CHRM3: variants seen among roughly 807,000 people sequenced by gnomAD.
CHRM3 encodes the protein cholinergic receptor muscarinic 3.
In CHRM3, 11 loss-of-function variants were observed where a neutral mutation model predicts 41.8. The ratio of observed to expected loss-of-function variants is 0.26; its 90% CI spans 0.17 to 0.44. The LOEUF (loss-of-function observed/expected upper bound fraction) is 0.44. CHRM3 is among the 20% of genes least tolerant of loss of function. The pLI is 1.00. For synonymous variants in CHRM3, 297 were observed against 301.4 expected (o/e 0.99, Z 0.15); for missense variants, 571 against 745.4 (o/e 0.77, Z 2.72).
At chr1:239,410,778 T>C (rs936207144) in intron 1 of CHRM3, among the ~76,000 whole-genome samples, 1 of 152,210 alleles carries the variant, frequency 6.6e-6, no homozygotes, top group East Asian at 1.9e-4. Flanking sequence ...CTCTAAAGGA[T>C]TTCCATTAAG....
rs1313445410 is a variant in CHRM3, at chr1:239,759,187, TTTTTTTTTTAG to T, written c.-146-68064_-146-68054del. ...TTTTTTTGTTTTTTTTTTTTGTTTTTTTTTTTTTTAGAGAGAGGCTTATCCTGAATGTCTGC... is the reference window on the plus strand; with the variant it reads ...TTTTTTTGTTTTTTTTTTTTGTTTTTAGAGAGGCTTATCCTGAATGTCTGC... On this transcript the variant is annotated intron_variant, in intron 5 of 6. Transcript: ENST00000676153. Among the ~76,000 whole-genome samples the T allele has an allele frequency of 2.3e-3, 314 of 135,140 alleles. 2 individuals are homozygous for T. The highest frequency in any genetic ancestry group is 6.4e-3 in the African/African-American group (200 of 31,018). 88.7% of individuals were successfully genotyped at this position (135,140 alleles called of 152,430 possible). A position where few individuals can be genotyped will look rare whatever the true frequency, so the allele number is the denominator to read the frequency against.
intron 5 of CHRM3, among the ~76,000 whole-genome samples, chr1:239,808,490 C>G (rs1468370613): frequency 6.6e-6 from 1 of 152,134 alleles, no homozygotes; most frequent in Non-Finnish European, 1.5e-5. Context: ...ACTGTTTTCA[C>G]TCCTGTGCGA....
chr1:239,904,136 A>G (rs1485791202), intron 6 of CHRM3, among the ~76,000 whole-genome samples: 1 of 152,192 alleles, frequency 6.6e-6, no homozygotes, highest in Non-Finnish European at 1.5e-5. Context: ...ATGGGACATG[A>G]AAGCAGAGAC....
Position 239,761,986 on chromosome 1 carries a change from C to A in CHRM3, c.-146-65266C>A, listed in dbSNP as rs915556983. On this transcript the variant is annotated intron_variant, in intron 5 of 6. Transcript: ENST00000676153. ...CTGCACTGCAGCCTGGAAGCTCTCT[C>A]CCGGGAGTAGACTGGAATGATCCTC... is the stretch of plus-strand genomic sequence containing the variant. Among the ~76,000 whole-genome samples the A allele has an allele frequency of 6.6e-5, 10 of 152,290 alleles. No homozygotes were observed. In the South Asian group the frequency reaches 1.5e-3, roughly 22 times the overall value.
At chr1:239,731,243 A>C (rs909774460) in intron 5 of CHRM3, among the ~76,000 whole-genome samples, 1 of 151,934 alleles carries the variant, frequency 6.6e-6, no homozygotes, top group South Asian at 2.1e-4. Flanking sequence ...CTAAAAATAG[A>C]GATCCAGGAG....
At chr1:239,801,172 A>C (rs6429156) in intron 5 of CHRM3, among the ~76,000 whole-genome samples, 5,961 of 152,270 alleles carry the variant, frequency 0.039, 362 homozygotes, top group African/African-American at 0.13. Context: ...CTGACTATTC[A>C]TGAGAGTTTT....
intron 4 of CHRM3, among the ~76,000 whole-genome samples, chr1:239,673,431 C>T (rs1657616427): frequency 6.6e-6 from 1 of 152,116 alleles, no homozygotes; most frequent in Non-Finnish European, 1.5e-5. Flanking sequence ...CTCTCCTTCA[C>T]CCCTCCTCCA....
At chr1:239,494,248 A>G (rs531648631) in intron 2 of CHRM3, among the ~76,000 whole-genome samples, 3 of 152,126 alleles carry the variant, frequency 2.0e-5, no homozygotes, top group Non-Finnish European at 4.4e-5. Flanking sequence ...TTTATGCTAA[A>G]GAGCAATGAG....
intron 4 of CHRM3, among the ~76,000 whole-genome samples, chr1:239,654,039 G>C (rs1037507339): frequency 6.6e-6 from 1 of 152,178 alleles, no homozygotes; most frequent in African/African-American, 2.4e-5. Context: ...ACAGCTCTCT[G>C]CAGCCTCAAC....
intron 4 of CHRM3, among the ~76,000 whole-genome samples, chr1:239,664,759 G>A (rs1573196851): frequency 6.6e-6 from 1 of 152,144 alleles, no homozygotes; most frequent in African/African-American, 2.4e-5. Flanking sequence ...TTTCAATGTT[G>A]CACATCCGTA....
At chr1:239,688,001 G>T (rs112491516) in intron 5 of CHRM3, among the ~76,000 whole-genome samples, 6 of 151,916 alleles carry the variant, frequency 3.9e-5, no homozygotes, top group African/African-American at 1.4e-4. Context: ...CATCAAATAC[G>T]ACTGCTCTTA....
intron 3 of CHRM3, among the ~76,000 whole-genome samples, chr1:239,563,731 G>C (rs1307258784): frequency 2.0e-5 from 3 of 152,122 alleles, no homozygotes; most frequent in Non-Finnish European, 4.4e-5. Flanking sequence ...GCAGAGGTAA[G>C]TACTCATCTG....
chr1:239,850,840 G>GCCTT (rs1202464042), intron 6 of CHRM3, among the ~76,000 whole-genome samples: 1 of 152,060 alleles, frequency 6.6e-6, no homozygotes, highest in African/African-American at 2.4e-5. Context: ...GTTTCCTGAG[G>GCCTT]CCTTCCCAGC....
At chr1:239,718,608 C>CT (rs543563536) in intron 5 of CHRM3, among the ~76,000 whole-genome samples, 288 of 149,382 alleles carry the variant, frequency 1.9e-3, no homozygotes, top group South Asian at 4.5e-3. Flanking sequence ...AATTTCCATT[C>CT]TTTTTTTTTT....
chr1:239,692,638 A>G (rs1659827606), intron 5 of CHRM3, among the ~76,000 whole-genome samples: 1 of 152,204 alleles, frequency 6.6e-6, no homozygotes, highest in South Asian at 2.1e-4. Flanking sequence ...AAAGGCAGGA[A>G]AAGTTATGAA....
chr1:239,910,228 G>A lies in CHRM3; in HGVS notation c.*1004G>A, dbSNP rs1375004764. 6.0e-6 allele frequency: 1 copy of A among 166,192 alleles called. No homozygotes were observed. The highest frequency in any genetic ancestry group is 6.6e-5 in the Admixed American group (1 of 15,160). 10.3% of individuals were successfully genotyped at this position (166,192 alleles called of 1,614,324 possible). On this transcript the variant is annotated 3_prime_UTR_variant, in exon 7 of 7. Transcript: ENST00000676153. ...TGAATTTAATCATCTAAATCTGAAT[G>A]TTTCAGAACAAAATTTCTGCTATCT...
At chr1:239,662,506 G>A (rs1007954396) in intron 4 of CHRM3, among the ~76,000 whole-genome samples, 1 of 152,136 alleles carries the variant, frequency 6.6e-6, no homozygotes, top group Non-Finnish European at 1.5e-5. Flanking sequence ...AATATTGGGA[G>A]AAACTTAATT....
chr1:239,740,719 T>C (rs1664774114), intron 5 of CHRM3, among the ~76,000 whole-genome samples: 1 of 152,036 alleles, frequency 6.6e-6, no homozygotes, highest in East Asian at 1.9e-4. Flanking sequence ...TGAAAAAAGC[T>C]CATTATCACT....
At chr1:239,875,830 C>A (rs1375308329) in intron 6 of CHRM3, among the ~76,000 whole-genome samples, 1 of 152,202 alleles carries the variant, frequency 6.6e-6, no homozygotes, top group African/African-American at 2.4e-5. Context: ...CCTATCATTT[C>A]TTCCAAGGCA....
Sources: gnomAD v4.1 joint callset for allele counts (sites outside exome capture counted in the v4.1 genomes callset) on GRCh38, gnomAD v4.1.1 for gene constraint, MANE v1.5 for transcripts, NCBI Gene and HGNC (gene_info 2026-07-23, HGNC 2026-07-21) for gene names.